The following CDK19 variants were observed in gnomAD, a reference collection of about 807,000 sequenced individuals.
CDK19 encodes the protein cyclin-dependent kinase 19.
A neutral mutation model predicts 68.3 loss-of-function variants in CDK19; 20 were observed. The observed-to-expected ratio is 0.29, with a 90% CI of 0.21 to 0.43. The LOEUF (loss-of-function observed/expected upper bound fraction) is 0.43, where lower values mean the gene tolerates loss of function less well. CDK19 is among the 20% of genes least tolerant of loss of function. CDK19 has a pLI of 1.00. For synonymous variants in CDK19, 221 were observed against 222.8 expected, an observed-to-expected ratio of 0.99 and a Z score of 0.07; for missense variants, 339 against 623.5, an observed-to-expected ratio of 0.54 and a Z score of 4.86.
chr6:110,759,297 C>T (rs1478823021), intron 1 of CDK19, among the ~76,000 whole-genome samples: 1 of 147,784 alleles, frequency 6.8e-6, no homozygotes, highest in Non-Finnish European at 1.5e-5. Context: ...CCCAGCTACT[C>T]GGGAGGCTGA....
intron 1 of CDK19, among the ~76,000 whole-genome samples, chr6:110,777,323 G>A (rs1041810314): frequency 1.3e-5 from 2 of 152,134 alleles, no homozygotes; most frequent in African/African-American, 4.8e-5. Flanking sequence ...TGTAAGAGTA[G>A]CAAGACTAAG....
chr6:110,814,826 G>C (rs1333132317), intron 1 of CDK19, 183 bp downstream of exon 1: 8 of 792,004 alleles, frequency 1.0e-5, no homozygotes, highest in Non-Finnish European at 1.6e-5. Context: ...GTACGCGACG[G>C]GGCCGCGCGG....
At chr6:110,744,119 G>A (rs1308596081) in intron 2 of CDK19, among the ~76,000 whole-genome samples, 2 of 142,162 alleles carry the variant, frequency 1.4e-5, no homozygotes, top group East Asian at 2.1e-4. Flanking sequence ...CAATTCTCCT[G>A]TCTCAGCCTC....
intron 2 of CDK19, among the ~76,000 whole-genome samples, chr6:110,706,148 G>T (rs569066413): frequency 1.3e-3 from 192 of 152,024 alleles, no homozygotes; most frequent in Middle Eastern, 6.8e-3. Flanking sequence ...TGCCTCCTGG[G>T]TTGATGTGAT....
At chr6:110,618,526 A>G (rs1778495841) in intron 12 of CDK19, among the ~76,000 whole-genome samples, 1 of 152,112 alleles carries the variant, frequency 6.6e-6, no homozygotes, top group Admixed American at 6.5e-5. Flanking sequence ...TTTTTGACTC[A>G]TCCTTTAATT....
intron 1 of CDK19, among the ~76,000 whole-genome samples, chr6:110,763,211 T>A (rs1475055409): frequency 6.6e-6 from 1 of 152,132 alleles, no homozygotes; most frequent in Non-Finnish European, 1.5e-5. Context: ...ATCTTTCTCA[T>A]AAAAGTTAAG....
At chr6:110,744,179 G>A (rs1378066041) in intron 2 of CDK19, among the ~76,000 whole-genome samples, 2 of 151,646 alleles carry the variant, frequency 1.3e-5, no homozygotes, top group Non-Finnish European at 2.9e-5. Flanking sequence ...GCTAATTTTT[G>A]TATTTTCAGT....
chr6:110,794,247 T>C (rs1409656300), intron 1 of CDK19, among the ~76,000 whole-genome samples: 1 of 151,654 alleles, frequency 6.6e-6, no homozygotes, highest in Non-Finnish European at 1.5e-5. Flanking sequence ...GTTTTCACCA[T>C]ATTTGGTCAG....
chr6:110,750,685 G>A (rs12211036), intron 1 of CDK19, among the ~76,000 whole-genome samples: 5,272 of 152,258 alleles, frequency 0.035, 124 homozygotes, highest in Middle Eastern at 0.078. Flanking sequence ...TTTACTAAGC[G>A]TCTACTATAG....
chr6:110,759,477 C>G (rs1456565606), intron 1 of CDK19, among the ~76,000 whole-genome samples: 1 of 139,566 alleles, frequency 7.2e-6, no homozygotes, highest in Non-Finnish European at 1.5e-5. Flanking sequence ...GTAGCACATG[C>G]CTGCAGTCCC....
At chr6:110,734,546 TCTCTCTCTCTC>T (rs1213978495) in intron 2 of CDK19, among the ~76,000 whole-genome samples, 1 of 149,954 alleles carries the variant, frequency 6.7e-6, no homozygotes, top group African/African-American at 2.5e-5. Flanking sequence ...TCTCTCTCTC[TCTCTCTCTCTC>T]TCTCATGTCT....
intron 2 of CDK19, among the ~76,000 whole-genome samples, chr6:110,693,162 G>A (rs1005927159): frequency 8.5e-5 from 13 of 152,316 alleles, no homozygotes; most frequent in South Asian, 6.2e-4. Context: ...GACTCACACC[G>A]TGAACTTTTG....
At chr6:110,792,564 C>G (rs1303770038) in intron 1 of CDK19, among the ~76,000 whole-genome samples, 1 of 152,118 alleles carries the variant, frequency 6.6e-6, no homozygotes, top group Non-Finnish European at 1.5e-5. Context: ...CGTGCCACCA[C>G]GCCCGGCTAA....
intron 4 of CDK19, among the ~76,000 whole-genome samples, chr6:110,657,783 G>A (rs1001659431): frequency 2.6e-5 from 4 of 152,160 alleles, no homozygotes; most frequent in Admixed American, 2.6e-4. Context: ...TATCAAATGA[G>A]CCCTGACCCT....
At chr6:110,731,591 C>T (rs74624625) in intron 2 of CDK19, among the ~76,000 whole-genome samples, 2,210 of 152,202 alleles carry the variant, frequency 0.015, 39 homozygotes, top group African/African-American at 0.044. Context: ...ACTGATTTTA[C>T]GGTATGTGAA....
At position 110,625,320 on chromosome 6, in the gene CDK19, A is replaced by T. The variant is rs1414724981; in HGVS notation, c.860+1456T>A. ...CATCCTCACCAGTAGCATATGCGTA[A>T]TAATTTTTTTTTTTAATAAAAATAG... On this transcript the variant is annotated intron_variant, in intron 8 of 12. Transcript: ENST00000368911. Among the ~76,000 whole-genome samples, 7 of 152,002 alleles carry T rather than the reference A, an allele frequency of 4.6e-5. No homozygotes were observed. In the East Asian group the frequency reaches 1.3e-3, roughly 29 times the overall value.
At chr6:110,742,595 C>T (rs933408745) in intron 2 of CDK19, among the ~76,000 whole-genome samples, 8 of 152,100 alleles carry the variant, frequency 5.3e-5, no homozygotes, top group African/African-American at 1.9e-4. Flanking sequence ...GAAATCTTTT[C>T]CCAGCAAGGA....
At chr6:110,743,224 A>G (rs1777806639) in intron 2 of CDK19, among the ~76,000 whole-genome samples, 1 of 152,222 alleles carries the variant, frequency 6.6e-6, no homozygotes, top group African/African-American at 2.4e-5. Flanking sequence ...AATACCATCC[A>G]TGGTAAACTT....
chr6:110,679,760 C>G lies in CDK19; in HGVS notation c.205-9219G>C, dbSNP rs144096302. ...TACAGAAATATGTCACTTAAACTGA[C>G]AAGAAGCTGTTTATTGTCTGACATG... is the stretch of plus-strand genomic sequence containing the variant. On this transcript the variant is annotated intron_variant, in intron 2 of 12. Transcript: ENST00000368911. Among the ~76,000 whole-genome samples the G allele has an allele frequency of 5.4e-3, 816 of 152,212 alleles. 4 individuals carry two copies. Among genetic ancestry groups the G allele is most frequent in the African/African-American group, 0.019 (775 of 41,536 alleles).
Sources: allele counts gnomAD v4.1 joint callset (sites outside exome capture counted in the v4.1 genomes callset), GRCh38; gene constraint gnomAD v4.1.1; transcripts MANE v1.5; gene names NCBI Gene and HGNC (gene_info 2026-07-23, HGNC 2026-07-21).